NUP214: variants seen among roughly 807,000 people sequenced by gnomAD.
NUP214 encodes the protein nucleoporin 214, also known as nuclear pore complex protein Nup214.
NUP214 carries 79 observed loss-of-function variants against 196.2 expected under a neutral mutation model. The observed-to-expected ratio is 0.40, with a 90% CI of 0.34 to 0.49. The LOEUF (loss-of-function observed/expected upper bound fraction) is 0.49. Among genes scored for constraint, NUP214 ranks in the 20% least tolerant of loss-of-function variants. NUP214 has a pLI of 0.58. For missense variants in NUP214, 2,468 were observed against 2,539.0 expected (o/e 0.97, Z 0.60); for synonymous variants, 1,020 against 990.5 (o/e 1.03, Z -0.56).
In NUP214 at chr9:131,228,138, T is replaced by C. The variant is rs772769077; in HGVS notation, c.5903-22T>C. On this transcript the variant is annotated intron_variant, in intron 32 of 35. Transcript: ENST00000359428. The stretch of plus-strand genomic sequence containing the variant: ...TCCTTTCTTTCTCCCTATTTCTGTT[T>C]GTTTGCCTCTGTTTTGCTCAGGTGG... The C allele has an allele frequency of 5.2e-6, 8 of 1,535,158 alleles. No homozygotes were observed. In the South Asian group the frequency reaches 9.8e-5, roughly 19 times the overall value.
chr9:131,227,294 G>C (rs2131103619), intron 32 of NUP214, among the ~76,000 whole-genome samples: 1 of 152,362 alleles, frequency 6.6e-6, no homozygotes, highest in Middle Eastern at 3.4e-3. Context: ...GTGTGGTGCT[G>C]CCCTCTGGCA....
intron 34 of NUP214, among the ~76,000 whole-genome samples, chr9:131,231,767 A>G (rs1045240121): frequency 6.6e-6 from 1 of 152,138 alleles, no homozygotes; most frequent in Non-Finnish European, 1.5e-5. Flanking sequence ...TTTAGGTATC[A>G]TTACAATTGT....
intron 1 of NUP214, chr9:131,126,240 C>T (rs1444538119): frequency 6.1e-6 from 1 of 162,890 alleles, no homozygotes; most frequent in East Asian, 1.9e-4. Flanking sequence ...GTCATCCATC[C>T]TGCAGAACCT....
rs1834955925 is a variant in NUP214, at chr9:131,234,289, G to T, written c.*802G>T. The T allele has an allele frequency of 4.3e-6, 1 of 232,850 alleles. No individual in the cohort carries two copies. The highest frequency in any genetic ancestry group is 8.5e-6 in the Non-Finnish European group (1 of 117,786). The allele number at this position is 232,850 out of a possible 1,614,324, so 14.4% of individuals were successfully genotyped here. On this transcript the variant is annotated 3_prime_UTR_variant, in exon 36 of 36. Transcript: ENST00000359428. ...GTGTCTACTAACCACAGTGCAGATA[G>T]CCCTTGGGTAGACCCAGGAAGTGTG...
At chr9:131,134,073 A>G (rs1376098604) in intron 7 of NUP214, among the ~76,000 whole-genome samples, 1 of 152,162 alleles carries the variant, frequency 6.6e-6, no homozygotes, top group Admixed American at 6.5e-5. Context: ...CAGCCTCCCG[A>G]GTAGTTGGGA....
At chr9:131,216,539 T>TC (rs1241810153) in intron 31 of NUP214, among the ~76,000 whole-genome samples, 11 of 143,000 alleles carry the variant, frequency 7.7e-5, no homozygotes, top group Admixed American at 4.9e-4. Context: ...TTTTTTTTTT[T>TC]TCCTTTTTTT....
At position 131,156,742 on chromosome 9, in the gene NUP214, G is replaced by GT. The variant is rs577639038; in HGVS notation, c.2437-2635dup. ...GGACCTTTTTGGATGAGTCTTTAGG[G>GT]TTTTTTAGGTACATGATCATAACAT... On this transcript the variant is annotated intron_variant, in intron 17 of 35. Coordinates refer to ENST00000359428, the MANE Select transcript of NUP214 (RefSeq NM_005085.4). Among the ~76,000 whole-genome samples the GT allele has an allele frequency of 2.0e-5, 3 of 152,110 alleles. No individual in the cohort carries two copies. The East Asian group carries it at 5.8e-4, about 29-fold the overall frequency.
intron 29 of NUP214, among the ~76,000 whole-genome samples, chr9:131,201,071 T>C (rs1833925527): frequency 6.7e-6 from 1 of 149,062 alleles, no homozygotes; most frequent in Non-Finnish European, 1.5e-5. Context: ...AAATGGTCTT[T>C]AAAGTATTTG....
Position 131,234,295 on chromosome 9 carries a change from G to A in NUP214, c.*808G>A, listed in dbSNP as rs1250447250. ...ACTAACCACAGTGCAGATAGCCCTTGGGTAGACCCAGGAAGTGTGAAGACA... is the reference window on the plus strand; with the variant it reads ...ACTAACCACAGTGCAGATAGCCCTTAGGTAGACCCAGGAAGTGTGAAGACA... On this transcript the variant is annotated 3_prime_UTR_variant, in exon 36 of 36. Coordinates refer to ENST00000359428, the MANE Select transcript of NUP214 (RefSeq NM_005085.4). 4.3e-6 allele frequency: 1 copy of A among 232,744 alleles called. No homozygotes were observed. The highest frequency in any genetic ancestry group is 8.5e-6 in the Non-Finnish European group (1 of 117,820). 14.4% of individuals were successfully genotyped at this position (232,744 alleles called of 1,614,324 possible).
At position 131,146,048 on chromosome 9, in the gene NUP214, T is replaced by C. The variant is rs1832078721; in HGVS notation, c.1770-81T>C. On this transcript the variant is annotated intron_variant, in intron 12 of 35. Transcript: ENST00000359428. The surrounding 1 kb of genome is among the most constrained non-coding windows in gnomAD (Gnocchi z 4.6). ...AGTTAACATAAAAGATAATAAGTTATCTTTTGATGACATTGCTCATGCTAG... is the reference window on the plus strand; with the variant it reads ...AGTTAACATAAAAGATAATAAGTTACCTTTTGATGACATTGCTCATGCTAG... The C allele has an allele frequency of 7.8e-7, 1 of 1,285,184 alleles. No individual in the cohort carries two copies. Among genetic ancestry groups the C allele is most frequent in the African/African-American group, 1.5e-5 (1 of 67,502 alleles). The allele number at this position is 1,285,184 out of a possible 1,614,324, so 79.6% of individuals were successfully genotyped here. A position where few individuals can be genotyped will look rare whatever the true frequency, so the allele number is the denominator to read the frequency against.
At chr9:131,201,582 AAC>A in intron 29 of NUP214, 63 bp from the exon 30 acceptor site, 1 of 1,337,934 alleles carries the variant, frequency 7.5e-7, no homozygotes. Flanking sequence ...AAAACAACAA[AAC>A]TTTAATGTTG....
intron 15 of NUP214, 48 bp downstream of exon 15, chr9:131,150,458 T>C (rs1256312670): frequency 6.3e-7 from 1 of 1,598,810 alleles, no homozygotes; most frequent in South Asian, 1.1e-5. Context: ...CTGACAGACT[T>C]GGATGGGTCA....
intron 17 of NUP214, among the ~76,000 whole-genome samples, chr9:131,155,484 T>C (rs980487090): frequency 6.6e-6 from 1 of 152,166 alleles, no homozygotes; most frequent in African/African-American, 2.4e-5. Context: ...TGCAGAAGCT[T>C]AATTAAGTCC....
chr9:131,135,181 C>T (rs1311797933), intron 8 of NUP214, 177 bp downstream of exon 8: 12 of 532,960 alleles, frequency 2.3e-5, no homozygotes. Flanking sequence ...CCTGGAACTC[C>T]CAGGCTCAAG....
chr9:131,187,842 A>G (rs1833497298), intron 25 of NUP214, among the ~76,000 whole-genome samples: 1 of 152,246 alleles, frequency 6.6e-6, no homozygotes, highest in Admixed American at 6.5e-5. Flanking sequence ...GCTGTTAATC[A>G]GGGTAGGTCA....
Position 131,198,720 on chromosome 9 carries a change from CTT to C in NUP214, c.5229_5230del (p.Ser1744LeufsTer36). ...AGTCGGCGAGCAGTGCTGCAAGTGT[CTT>C]TTCCTTCAGTCAGCCTGGGTTCAGT... is the stretch of plus-strand genomic sequence containing the variant. ...GQSASSAASVFSFSQPGFSSV... is the reference protein window; with the variant it reads ...GQSASSAASVXSFSQPGFSSV... On this transcript the variant is annotated frameshift_variant, in exon 29 of 36. Coordinates refer to ENST00000359428, the MANE Select transcript of NUP214 (RefSeq NM_005085.4). LOFTEE classifies it high-confidence loss of function. 3 of 1,614,222 alleles carry C rather than the reference CTT, an allele frequency of 1.9e-6. No individual in the cohort carries two copies. The highest frequency in any genetic ancestry group is 2.5e-6 in the Non-Finnish European group (3 of 1,180,044).
rs369542200 is a variant in NUP214 at position 131,230,695 on chromosome 9, G to T, written c.6140G>T (p.Gly2047Val). The T allele has an allele frequency of 4.5e-5, 73 of 1,614,008 alleles. No homozygotes were observed. The highest frequency in any genetic ancestry group is 6.2e-5 in the Non-Finnish European group (73 of 1,180,030). ...TLASQNAPTFGSLSQQTSGFG... is the reference protein window; with the variant it reads ...TLASQNAPTFVSLSQQTSGFG... ...GCGAGTCAGAATGCCCCCACTTTCG[G>T]ATCACTGTCCCAACAGACTTCTGGT... Residue 2047 changes from glycine to valine, a missense_variant, in exon 34 of 36, where the codon GGA becomes GTA. Transcript: ENST00000359428.
chr9:131,155,367 T>C (rs143643329), intron 17 of NUP214, among the ~76,000 whole-genome samples: 263 of 152,330 alleles, frequency 1.7e-3, no homozygotes, highest in African/African-American at 6.0e-3. Context: ...TATGTTTGAG[T>C]TCCTTATAGA....
chr9:131,204,406 G>T (rs560961811), intron 30 of NUP214, among the ~76,000 whole-genome samples: 9 of 152,352 alleles, frequency 5.9e-5, no homozygotes, highest in Admixed American at 5.9e-4. Context: ...TGGTGCTCTA[G>T]AACAGAATGT....
Sources: gnomAD v4.1 joint callset for allele counts (sites outside exome capture counted in the v4.1 genomes callset) on GRCh38, gnomAD v4.1.1 for gene constraint, Gnocchi (gnomAD v3.1) non-coding constraint, MANE v1.5 for transcripts, NCBI Gene and HGNC (gene_info 2026-07-23, HGNC 2026-07-21) for gene names.